PIP4K2A: variants seen among roughly 807,000 people sequenced by gnomAD.
PIP4K2A encodes phosphatidylinositol-5-phosphate 4-kinase type 2 alpha.
PIP4K2A carries 14 observed loss-of-function variants against 42.9 expected under a neutral mutation model. The observed-to-expected ratio is 0.33, with a 90% confidence interval of 0.22 to 0.51. The LOEUF (loss-of-function observed/expected upper bound fraction) is 0.51. PIP4K2A is among the 20% of genes least tolerant of loss of function. The pLI is 0.97. For missense variants in PIP4K2A, 434 were observed against 519.8 expected (o/e 0.83, Z 1.61); for synonymous variants, 192 against 192.2 (o/e 1.00, Z 0.01).
At chr10:22,638,556 TTTA>T (rs1588678697) in intron 1 of PIP4K2A, among the ~76,000 whole-genome samples, 1 of 152,256 alleles carries the variant, frequency 6.6e-6, no homozygotes, top group East Asian at 1.9e-4. Context: ...ATTTTTACTC[TTTA>T]TTCTTTTTCC....
intron 1 of PIP4K2A, among the ~76,000 whole-genome samples, chr10:22,712,911 A>AGGG (rs201129760): frequency 1.5e-5 from 2 of 137,544 alleles, no homozygotes; most frequent in African/African-American, 6.3e-5. Flanking sequence ...CACTACATTG[A>AGGG]GGGTGTGTGT....
At chr10:22,631,066 C>A (rs946817645) in intron 1 of PIP4K2A, among the ~76,000 whole-genome samples, 1 of 152,210 alleles carries the variant, frequency 6.6e-6, no homozygotes, top group Non-Finnish European at 1.5e-5. Flanking sequence ...ACAGGCCACA[C>A]ACGGTATACT....
chr10:22,611,601 AAACCCACTGAAC>A (rs1443812120), intron 1 of PIP4K2A, among the ~76,000 whole-genome samples: 2 of 152,212 alleles, frequency 1.3e-5, no homozygotes, highest in African/African-American at 4.8e-5. Context: ...CTAGCTTCTC[AAACCCACTGAAC>A]AAAAACAGGA....
intron 1 of PIP4K2A, among the ~76,000 whole-genome samples, chr10:22,684,245 C>T (rs965540469): frequency 1.3e-5 from 2 of 152,148 alleles, no homozygotes; most frequent in Admixed American, 1.3e-4. Context: ...TAGGCAATCT[C>T]AAAGACATTA....
At chr10:22,577,294 C>T (rs190986241) in intron 4 of PIP4K2A, among the ~76,000 whole-genome samples, 3 of 151,908 alleles carry the variant, frequency 2.0e-5, no homozygotes, top group Admixed American at 6.6e-5. Flanking sequence ...CCCAGTGATA[C>T]AGTTTGAATA....
At chr10:22,672,364 C>T (rs1839472323) in intron 1 of PIP4K2A, among the ~76,000 whole-genome samples, 1 of 152,112 alleles carries the variant, frequency 6.6e-6, no homozygotes, top group Non-Finnish European at 1.5e-5. Flanking sequence ...ACTATTCACA[C>T]CTTCATAACC....
chr10:22,558,183 T>C (rs1188790809), intron 6 of PIP4K2A, among the ~76,000 whole-genome samples: 2 of 152,208 alleles, frequency 1.3e-5, no homozygotes, highest in Non-Finnish European at 2.9e-5. Flanking sequence ...GTAATTATTG[T>C]TTTATGTTAG....
rs1837986832 is a variant in PIP4K2A, at chr10:22,609,636, T to C, written c.226A>G (p.Asn76Asp). The change falls in exon 2 of 10, where the codon AAT becomes GAT. Residue 76 changes from asparagine to aspartate, a missense_variant. Coordinates refer to ENST00000376573, the MANE Select transcript of PIP4K2A (RefSeq NM_005028.5). ...FKAYSKIKVD[N>D]HLFNKENMPS... ...TGTACTTACTTGTTAAAAAGGTGAT[T>C]GTCCACCTTTATTTTTGAATAGGCT... is the stretch of plus-strand genomic sequence containing the variant. 1 of 1,582,020 alleles carries C rather than the reference T, an allele frequency of 6.3e-7. No homozygotes were observed.
intron 6 of PIP4K2A, among the ~76,000 whole-genome samples, chr10:22,558,044 T>A (rs1326353064): frequency 6.6e-6 from 1 of 152,260 alleles, no homozygotes; most frequent in African/African-American, 2.4e-5. Context: ...GATATGCTCA[T>A]TTGGCAACCT....
intron 4 of PIP4K2A, among the ~76,000 whole-genome samples, chr10:22,581,834 C>A (rs1158215125): frequency 1.3e-5 from 2 of 152,088 alleles, no homozygotes; most frequent in African/African-American, 4.8e-5. Context: ...CTGCTTACAG[C>A]TGGGCATGGT....
Position 22,664,166 on chromosome 10 carries a change from T to C in PIP4K2A, c.144+50017A>G, listed in dbSNP as rs183856843. ...ACATATATATACACATATATATATA[T>C]ACATATATATATATACATATATATA... On this transcript the variant is annotated intron_variant, in intron 1 of 9. Transcript: ENST00000376573. 9.5e-3 allele frequency among the ~76,000 whole-genome samples: 636 copies of C among 67,256 alleles called. 26 individuals carry two copies. The highest frequency in any genetic ancestry group is 0.025 in the Middle Eastern group (4 of 158). 44.1% of individuals were successfully genotyped at this position (67,256 alleles called of 152,430 possible).
At chr10:22,664,058 T>G (rs1408623312) in intron 1 of PIP4K2A, among the ~76,000 whole-genome samples, 1 of 83,834 alleles carries the variant, frequency 1.2e-5, no homozygotes, top group African/African-American at 9.6e-5. Flanking sequence ...CATATGTATA[T>G]ATACATATAT....
chr10:22,682,913 G>C (rs947429473), intron 1 of PIP4K2A, among the ~76,000 whole-genome samples: 3 of 152,112 alleles, frequency 2.0e-5, no homozygotes, highest in Non-Finnish European at 4.4e-5. Context: ...TGAAAATCCT[G>C]GCACTACCCA....
intron 1 of PIP4K2A, among the ~76,000 whole-genome samples, chr10:22,710,271 T>C (rs1833891179): frequency 6.6e-6 from 1 of 152,124 alleles, no homozygotes; most frequent in South Asian, 2.1e-4. Flanking sequence ...TCCAGAACCA[T>C]CCAGCTCTAT....
At chr10:22,594,391 AG>A (rs1343276377) in intron 3 of PIP4K2A, among the ~76,000 whole-genome samples, 1 of 152,168 alleles carries the variant, frequency 6.6e-6, no homozygotes, top group Non-Finnish European at 1.5e-5. Context: ...GACAATGTAC[AG>A]GGTTTTTTAT....
intron 3 of PIP4K2A, among the ~76,000 whole-genome samples, chr10:22,598,194 C>T (rs1837675305): frequency 6.6e-6 from 1 of 152,032 alleles, no homozygotes; most frequent in South Asian, 2.1e-4. Flanking sequence ...TCTGTGTCTA[C>T]ATAGCATTAA....
chr10:22,535,902 C>A lies in PIP4K2A; in HGVS notation c.*1299G>T. 1 of 383,042 alleles carries A rather than the reference C, an allele frequency of 2.6e-6. No individual in the cohort carries two copies. Among genetic ancestry groups the A allele is most frequent in the East Asian group, 3.7e-5 (1 of 27,200 alleles). 23.7% of individuals were successfully genotyped at this position (383,042 alleles called of 1,614,324 possible). ...TGTACATTTGGAGGAAAAAAAAATC[C>A]TTTTCCTTTTATTGTGAAAGACTGT... On this transcript the variant is annotated 3_prime_UTR_variant, in exon 10 of 10. Transcript: ENST00000376573.
chr10:22,567,466 G>T, intron 6 of PIP4K2A: 1 of 417,104 alleles, frequency 2.4e-6, no homozygotes, highest in Admixed American at 3.3e-5. Context: ...AATGTATTCA[G>T]GGTCACATTC....
chr10:22,580,565 T>C (rs1425859038), intron 4 of PIP4K2A, among the ~76,000 whole-genome samples: 1 of 149,558 alleles, frequency 6.7e-6, no homozygotes, highest in Non-Finnish European at 1.5e-5. Flanking sequence ...TAACAACCTA[T>C]TATTTGACCC....
Sources: gnomAD v4.1 joint callset for allele counts (sites outside exome capture counted in the v4.1 genomes callset) on GRCh38, gnomAD v4.1.1 for gene constraint, MANE v1.5 for transcripts, NCBI Gene and HGNC (gene_info 2026-07-23, HGNC 2026-07-21) for gene names.